The following PPAN variants were observed in gnomAD, a reference collection of about 807,000 sequenced individuals.
PPAN encodes peter pan homolog.
A neutral mutation model predicts 48.5 loss-of-function variants in PPAN; 39 were observed. The ratio of observed to expected loss-of-function variants is 0.80; its 90% CI spans 0.62 to 1.05. The LOEUF is 1.05. PPAN is among the 50% of genes least tolerant of loss of function. The pLI, the probability that PPAN is intolerant of heterozygous loss-of-function variation, is 0.00. For missense variants in PPAN, 736 were observed against 661.7 expected (o/e 1.11, Z -1.23); for synonymous variants, 315 against 268.6 (o/e 1.17, Z -1.69).
In PPAN at chr19:10,109,734, G is replaced by A. The variant is rs60214797; in HGVS notation, c.590+27G>A. On this transcript the variant is annotated intron_variant, in intron 6 of 11. Transcript: ENST00000253107. ...TGAGTGTCCCAGCAGGATGGGAGAC[G>A]AGGGGGTGCCGGGTGGGGGCCTCCA... 890 of 1,609,738 alleles carry A rather than the reference G, an allele frequency of 5.5e-4. 9 individuals are homozygous for A. In the African/African-American group the frequency reaches 0.011, roughly 19 times the overall value.
At position 10,106,376 on chromosome 19, in the gene PPAN, T is replaced by G; in HGVS notation, c.-19T>G. 1.3e-6 allele frequency: 2 copies of G among 1,549,312 alleles called. No individual in the cohort carries two copies. Among genetic ancestry groups the G allele is most frequent in the South Asian group, 2.4e-5 (2 of 83,916 alleles). ...CCGGAAGCGGCGGACGCAGGAGGCCTCGTGGAGGACACAGCAGCATGGGAC... is the reference window on the plus strand; with the variant it reads ...CCGGAAGCGGCGGACGCAGGAGGCCGCGTGGAGGACACAGCAGCATGGGAC... On this transcript the variant is annotated 5_prime_UTR_variant, in exon 1 of 12. Coordinates refer to ENST00000253107, the MANE Select transcript of PPAN (RefSeq NM_020230.7).
In PPAN at chr19:10,111,926, A is replaced by C. The variant is rs542510455; in HGVS notation, c.*761A>C. Among the ~76,000 whole-genome samples the C allele has an allele frequency of 2.0e-5, 3 of 152,236 alleles. No individual in the cohort carries two copies. Among genetic ancestry groups the C allele is most frequent in the Admixed American group, 6.5e-5 (1 of 15,278 alleles). On this transcript the variant is annotated 3_prime_UTR_variant, in exon 12 of 12. Coordinates refer to ENST00000253107, the MANE Select transcript of PPAN (RefSeq NM_020230.7). ...GGGGTTCGAGACCACCCTGACCAAC[A>C]AGGAGAAACCCCGTCTCTACTAAAA... is the stretch of plus-strand genomic sequence containing the variant.
At chr19:10,108,211 C>A in intron 5 of PPAN, 77 bp downstream of exon 5, 1 of 1,531,068 alleles carries the variant, frequency 6.5e-7, no homozygotes, top group Non-Finnish European at 8.8e-7. Flanking sequence ...AGATGGATTG[C>A]TCACTCCTCC....
At position 10,108,036 on chromosome 19, in the gene PPAN, C is replaced by T. The variant is rs768972059; in HGVS notation, c.415C>T (p.Pro139Ser). 7.4e-6 allele frequency: 12 copies of T among 1,613,898 alleles called. No homozygotes were observed. The highest frequency in any genetic ancestry group is 1.3e-5 in the African/African-American group (1 of 75,076). The part of the protein sequence containing the change: ...RMHEQQFAHP[P>S]LLVLNSFGPH... The stretch of plus-strand genomic sequence containing the variant: ...GCACGAGCAGCAGTTTGCCCACCCA[C>T]CCCTCCTGGTACTCAACAGCTTTGG... The change falls in exon 5 of 12, where the codon CCC (proline) becomes TCC (serine). Residue 139 changes from proline (P) to serine (S), a missense_variant. Pro to Ser is a moderately conservative substitution (Grantham distance 74). Transcript: ENST00000253107.
Position 10,108,150 on chromosome 19 carries a change from C to T in PPAN, c.513+16C>T, listed in dbSNP as rs202216176. 1.3e-4 allele frequency: 205 copies of T among 1,598,482 alleles called. 1 individual carries two copies. Among genetic ancestry groups the T allele is most frequent in the East Asian group, 2.2e-5 (1 of 44,816 alleles). On this transcript the variant is annotated intron_variant, in intron 5 of 11. Transcript: ENST00000253107. Reference sequence around the variant, plus strand: ...CGTGCACAAGGTGGGTCTGGCCTGGCGAGGTGGCAGGTATGGGGGGGTGCA... The same window carrying T: ...CGTGCACAAGGTGGGTCTGGCCTGGTGAGGTGGCAGGTATGGGGGGGTGCA...
At chr19:10,106,927 C>T (rs2088852149) in intron 2 of PPAN, 1 of 665,626 alleles carries the variant, frequency 1.5e-6, no homozygotes, top group South Asian at 1.7e-5. Flanking sequence ...TGGCTCATGC[C>T]TGTATTCCCA....
Position 10,110,417 on chromosome 19 carries a change from G to T in PPAN, c.901+15G>T, listed in dbSNP as rs374656690. 1.2e-6 allele frequency: 2 copies of T among 1,612,938 alleles called. No homozygotes were observed. The highest frequency in any genetic ancestry group is 4.5e-5 in the East Asian group (2 of 44,850). On this transcript the variant is annotated intron_variant, in intron 9 of 11. Transcript: ENST00000253107. This position sits in a 1 kb window ranked among gnomAD's most constrained non-coding sequence, Gnocchi z 5.9. ...CCACAGTTTTGGTGAGGCCGGGGCC[G>T]CCGGGGGTGGGGGGTCATGGGTGTG...
At position 10,110,719 on chromosome 19, in the gene PPAN, A is replaced by G. The variant is rs1327707707; in HGVS notation, c.1054A>G (p.Lys352Glu). Reference sequence around the variant, plus strand: ...CAGAAAGAAGAGCCTGGAGGGCATGAAGAAGGCACGGGTCGGGGGTAGTGA... The same window carrying G: ...CAGAAAGAAGAGCCTGGAGGGCATGGAGAAGGCACGGGTCGGGGGTAGTGA... ...AHRKKSLEGM[K>E]KARVGGSDEE... Residue 352 changes from lysine to glutamate, a missense_variant, in exon 11 of 12, where the codon AAG becomes GAG. By Grantham distance (56) the Lys-to-Glu change is moderately conservative. Transcript: ENST00000253107. The surrounding 1 kb of genome is among the most constrained non-coding windows in gnomAD (Gnocchi z 5.9). The G allele has an allele frequency of 1.9e-6, 3 of 1,613,726 alleles. No individual in the cohort carries two copies. The highest frequency in any genetic ancestry group is 2.5e-6 in the Non-Finnish European group (3 of 1,179,960).
rs915276059 is a variant in PPAN, at chr19:10,111,546, G to A, written c.*381G>A. 17 of 736,640 alleles carry A rather than the reference G, an allele frequency of 2.3e-5. No homozygotes were observed. Among genetic ancestry groups the A allele is most frequent in the Non-Finnish European group, 3.7e-5 (16 of 434,952 alleles). 45.6% of individuals were successfully genotyped at this position (736,640 alleles called of 1,614,324 possible). ...TTTCAGCAGATGAGCTTGAACCTCA[G>A]GAGGGTTGTGGCACAATGAGGAAGG... On this transcript the variant is annotated 3_prime_UTR_variant, in exon 12 of 12. Transcript: ENST00000253107.
upstream of PPAN, chr19:10,106,311 C>G (rs2088818607): frequency 1.3e-6 from 2 of 1,542,516 alleles, no homozygotes; most frequent in South Asian, 1.2e-5. Flanking sequence ...TCGTCCCACG[C>G]CGTGCCGGCT....
chr19:10,109,080 G>A (rs929727597), intron 5 of PPAN, among the ~76,000 whole-genome samples: 1 of 151,144 alleles, frequency 6.6e-6, no homozygotes, highest in African/African-American at 2.4e-5. Context: ...TCCTGCCTCA[G>A]CCTCCCGAGT....
chr19:10,107,648 CT>C, intron 3 of PPAN, 42 bp downstream of exon 3: 2 of 1,609,098 alleles, frequency 1.2e-6, no homozygotes, highest in Non-Finnish European at 1.7e-6. Flanking sequence ...CAGACCCCCC[CT>C]TCCCCTATCT....
intron 5 of PPAN, 134 bp from the exon 6 acceptor site, chr19:10,109,497 T>G (rs959819134): frequency 3.4e-5 from 38 of 1,102,538 alleles, no homozygotes; most frequent in Non-Finnish European, 4.8e-5. Flanking sequence ...TAGCTAAAAC[T>G]GCAGGTGCGA....
chr19:10,109,804 C>T (rs1346148783), intron 6 of PPAN, 97 bp downstream of exon 6: 5 of 1,590,378 alleles, frequency 3.1e-6, no homozygotes, highest in African/African-American at 2.7e-5. Context: ...TGTGATTGCT[C>T]TGTCCAAAGT....
Position 10,106,578 on chromosome 19 carries a change from C to A in PPAN, c.96C>A (p.Phe32Leu). 3 of 1,552,422 alleles carry A rather than the reference C, an allele frequency of 1.9e-6. No individual in the cohort carries two copies. The highest frequency in any genetic ancestry group is 2.6e-6 in the Non-Finnish European group (3 of 1,148,712). Residue 32 changes from phenylalanine to leucine, a missense_variant, in exon 2 of 12, where the codon TTC (phenylalanine) becomes TTA (leucine). By Grantham distance (22) the Phe-to-Leu change is conservative (BLOSUM62 0). Transcript: ENST00000253107. ...CCTATGCCGCGAACCCGCACTCGTT[C>A]GTGTTCACGCGAGGCTGCACGGGTC... ...LEAYAANPHS[F>L]VFTRGCTGRN...
chr19:10,108,473 G>A (rs2088920135), intron 5 of PPAN, among the ~76,000 whole-genome samples: 1 of 152,116 alleles, frequency 6.6e-6, no homozygotes, highest in Non-Finnish European at 1.5e-5. Context: ...TGCGGGCCCA[G>A]TGCTATGGCT....
chr19:10,109,123 C>T (rs1043736031), intron 5 of PPAN, among the ~76,000 whole-genome samples: 49 of 151,982 alleles, frequency 3.2e-4, no homozygotes, highest in African/African-American at 8.7e-4. Flanking sequence ...CACCACACCC[C>T]GGCTAATTTT....
At position 10,110,125 on chromosome 19, in the gene PPAN, G is replaced by A. The variant is rs779609530; in HGVS notation, c.701G>A (p.Gly234Asp). 4 of 1,610,910 alleles carry A rather than the reference G, an allele frequency of 2.5e-6. No homozygotes were observed. The highest frequency in any genetic ancestry group is 3.4e-6 in the Non-Finnish European group (4 of 1,179,916). ...GCCCTGTTATGTCCTACACACAGGG[G>A]CGCGGGGCTGTCGGAGAGCGAGGCA... The part of the protein sequence containing the change: ...LQDISELLAT[G>D]AGLSESEAEP... The change falls in exon 8 of 12, where the codon GGC becomes GAC. Residue 234 changes from glycine to aspartate, a missense_variant and splice_region_variant. Transcript: ENST00000253107. This position sits in a 1 kb window ranked among gnomAD's most constrained non-coding sequence, Gnocchi z 5.9.
chr19:10,108,556 C>T (rs1363132313), intron 5 of PPAN, among the ~76,000 whole-genome samples: 1 of 152,006 alleles, frequency 6.6e-6, no homozygotes, highest in Non-Finnish European at 1.5e-5. Flanking sequence ...TGAGATCAGC[C>T]TGTGCAACAT....
Sources: gnomAD v4.1 joint callset for allele counts (sites outside exome capture counted in the v4.1 genomes callset) on GRCh38, gnomAD v4.1.1 for gene constraint, Gnocchi (gnomAD v3.1) non-coding constraint, MANE v1.5 for transcripts, NCBI Gene and HGNC (gene_info 2026-07-23, HGNC 2026-07-21) for gene names.